UNC13C: variants seen among roughly 807,000 people sequenced by gnomAD.
UNC13C encodes the protein unc-13 homolog C.
UNC13C carries 174 observed loss-of-function variants against 245.4 expected under a neutral mutation model. The ratio of observed to expected loss-of-function variants is 0.71; its 90% CI spans 0.63 to 0.80. The LOEUF is 0.80. UNC13C is among the 30% of genes least tolerant of loss of function. The pLI is 0.00. For synonymous variants in UNC13C, 992 were observed against 895.1 expected, an observed-to-expected ratio of 1.11 and a Z score of -1.93; for missense variants, 2,829 against 2,602.9, an observed-to-expected ratio of 1.09 and a Z score of -1.89.
chr15:54,389,273 T>C (rs954941657), intron 17 of UNC13C, among the ~76,000 whole-genome samples: 4 of 152,200 alleles, frequency 2.6e-5, no homozygotes, highest in Admixed American at 6.5e-5. Context: ...GTATTACCTC[T>C]TAGAGAAGTG....
In UNC13C at chr15:54,533,040, A is replaced by G. The variant is rs767752727; in HGVS notation, c.5670A>G (p.Arg1890=). The change falls in exon 26 of 33, where the codon AGA becomes AGG. Residue 1890 remains arginine, a synonymous_variant. Transcript: ENST00000260323. Reference sequence around the variant, plus strand: ...CAATGGATGCAGAGATTGTGTTAAGATCTCTTATGGATTTTTTGGACAAAA... The same window carrying G: ...CAATGGATGCAGAGATTGTGTTAAGGTCTCTTATGGATTTTTTGGACAAAA... ...SAAMDAEIVL[R]SLMDFLDKTL... 7 of 1,595,544 alleles carry G rather than the reference A, an allele frequency of 4.4e-6. No individual in the cohort carries two copies. Among genetic ancestry groups the G allele is most frequent in the African/African-American group, 1.3e-5 (1 of 74,570 alleles).
At chr15:54,595,134 C>G (rs560639034) in intron 30 of UNC13C, among the ~76,000 whole-genome samples, 1 of 152,132 alleles carries the variant, frequency 6.6e-6, no homozygotes, top group Admixed American at 6.5e-5. Flanking sequence ...TTTAACTTAT[C>G]GGGACTGATA....
At chr15:53,910,576 C>A in the UNC13C span, among the ~76,000 whole-genome samples, 2 of 145,982 alleles carry the variant, frequency 1.4e-5, no homozygotes, top group African/African-American at 4.9e-5. Context: ...CAGAGCTTTC[C>A]ATCTTTGCAG....
At chr15:54,527,759 A>G (rs1026801005) in intron 25 of UNC13C, among the ~76,000 whole-genome samples, 1 of 152,198 alleles carries the variant, frequency 6.6e-6, no homozygotes, top group Non-Finnish European at 1.5e-5. Context: ...TATAGGAAAG[A>G]ATTTAGTACT....
At chr15:54,213,363 T>A (rs1178534758) in intron 4 of UNC13C, among the ~76,000 whole-genome samples, 1 of 152,070 alleles carries the variant, frequency 6.6e-6, no homozygotes, top group Non-Finnish European at 1.5e-5. Context: ...ATATTTTATA[T>A]AGTTCCTATT....
chr15:53,924,688 T>C, the UNC13C span, among the ~76,000 whole-genome samples: 1,871 of 152,268 alleles, frequency 0.012, 36 homozygotes, highest in African/African-American at 0.043. Context: ...TGGCTTTTAG[T>C]TAGAAAAGCT....
intron 19 of UNC13C, among the ~76,000 whole-genome samples, chr15:54,462,573 G>C (rs186039316): frequency 2.0e-5 from 3 of 152,324 alleles, no homozygotes; most frequent in East Asian, 1.9e-4. Flanking sequence ...CCCCGGCCCC[G>C]GGGAGTGAGG....
chr15:54,333,216 A>C (rs928707849), intron 15 of UNC13C, among the ~76,000 whole-genome samples: 1 of 151,934 alleles, frequency 6.6e-6, no homozygotes, highest in East Asian at 1.9e-4. Context: ...CAAAATTATA[A>C]ACATCTGTAT....
At chr15:53,971,016 C>T in the UNC13C span, among the ~76,000 whole-genome samples, 1 of 152,244 alleles carries the variant, frequency 6.6e-6, no homozygotes, top group Admixed American at 6.5e-5. Flanking sequence ...CTTGCCAATA[C>T]TTATTTTCTC....
rs890008270 is a variant in UNC13C at position 54,627,497 on chromosome 15, T to C, written c.*384T>C. On this transcript the variant is annotated 3_prime_UTR_variant, in exon 33 of 33. Transcript: ENST00000260323. ...AAACATTTATTACTCAATTTCCATT[T>C]TATTTACTTACCTCATTATAGATGT... The C allele has an allele frequency of 1.2e-5, 2 of 160,970 alleles. No individual in the cohort carries two copies. The highest frequency in any genetic ancestry group is 2.7e-5 in the Non-Finnish European group (2 of 73,120). 10.0% of individuals were successfully genotyped at this position (160,970 alleles called of 1,614,324 possible). A position where few individuals can be genotyped will look rare whatever the true frequency, so the allele number is the denominator to read the frequency against.
In UNC13C at chr15:54,412,383, A is replaced by C. The variant is rs142420500; in HGVS notation, c.4848-2599A>C. ...GGAGAGAGGCAAGAGCACAGGAGGG[A>C]ACTGCCAAACGCTTTTAAAACCATC... On this transcript the variant is annotated intron_variant, in intron 18 of 32. Transcript: ENST00000260323. Among the ~76,000 whole-genome samples, 11 of 152,162 alleles carry C rather than the reference A, an allele frequency of 7.2e-5. No individual in the cohort carries two copies. The East Asian group carries it at 2.1e-3, about 29-fold the overall frequency.
intron 19 of UNC13C, among the ~76,000 whole-genome samples, chr15:54,482,572 T>A (rs1345063452): frequency 1.1e-5 from 1 of 90,368 alleles, no homozygotes; most frequent in Non-Finnish European, 2.4e-5. Flanking sequence ...TTCACTTCTC[T>A]CTCCTTCCTC....
At chr15:54,235,845 G>A (rs1413107284) in intron 5 of UNC13C, among the ~76,000 whole-genome samples, 1 of 151,990 alleles carries the variant, frequency 6.6e-6, no homozygotes, top group Non-Finnish European at 1.5e-5. Context: ...GCGAGACTCC[G>A]TCTCAAAAAT....
At chr15:54,548,208 CTTTTTT>C (rs60975842) in intron 27 of UNC13C, among the ~76,000 whole-genome samples, 35 of 61,934 alleles carry the variant, frequency 5.7e-4, no homozygotes, top group South Asian at 7.5e-4. Flanking sequence ...GTTTCTTTTG[CTTTTTT>C]TTTTTTTTTT....
At chr15:54,457,638 T>C (rs1891603019) in intron 19 of UNC13C, among the ~76,000 whole-genome samples, 1 of 152,120 alleles carries the variant, frequency 6.6e-6, no homozygotes, top group African/African-American at 2.4e-5. Context: ...ATCCATATCC[T>C]CTACGTTTTC....
At chr15:54,236,373 A>G in intron 5 of UNC13C, 57 bp from the exon 6 acceptor site, 2 of 1,394,326 alleles carry the variant, frequency 1.4e-6, no homozygotes, top group Non-Finnish European at 2.0e-6. Context: ...CTCTTTTCCT[A>G]CCTTTCATGT....
intron 4 of UNC13C, among the ~76,000 whole-genome samples, chr15:54,187,571 T>C (rs1016013967): frequency 6.6e-6 from 1 of 152,136 alleles, no homozygotes; most frequent in African/African-American, 2.4e-5. Flanking sequence ...GTAGCCTTTC[T>C]ACCTCCCTTT....
the UNC13C span, among the ~76,000 whole-genome samples, chr15:53,905,399 TACAC>T: frequency 1.4e-3 from 169 of 123,572 alleles, no homozygotes; most frequent in Middle Eastern, 4.5e-3. Flanking sequence ...TATTACTTTA[TACAC>T]ACACACACAC....
chr15:54,591,770 TTGTA>T (rs1239835054), intron 30 of UNC13C, among the ~76,000 whole-genome samples: 1 of 152,080 alleles, frequency 6.6e-6, no homozygotes, highest in Admixed American at 6.5e-5. Flanking sequence ...GTATTTTTGT[TTGTA>T]TATTTGTTTC....
Sources: gnomAD v4.1 joint callset for allele counts (sites outside exome capture counted in the v4.1 genomes callset) on GRCh38, gnomAD v4.1.1 for gene constraint, MANE v1.5 for transcripts, NCBI Gene and HGNC (gene_info 2026-07-23, HGNC 2026-07-21) for gene names.